The following SH3BGRL2 variants were observed in gnomAD, a reference collection of about 807,000 sequenced individuals.
The protein encoded by SH3BGRL2 is SH3 domain binding glutamate rich protein like 2, also known as SH3 domain-binding glutamic acid-rich-like protein 2.
A neutral mutation model predicts 14.8 loss-of-function variants in SH3BGRL2; 21 were observed. That is an observed-to-expected ratio of 1.42 (90% confidence interval 1.01 to 2.05). The LOEUF is 2.05. SH3BGRL2 is among the 30% of genes most tolerant of loss of function. The pLI is 0.00. For missense variants in SH3BGRL2, 147 were observed against 130.8 expected, an observed-to-expected ratio of 1.12 and a Z score of -0.61; for synonymous variants, 50 against 47.8, an observed-to-expected ratio of 1.05 and a Z score of -0.19.
chr6:79,674,157 A>G (rs1562154473), intron 2 of SH3BGRL2, among the ~76,000 whole-genome samples: 2 of 152,122 alleles, frequency 1.3e-5, no homozygotes, highest in Non-Finnish European at 2.9e-5. Context: ...AATCATTTTA[A>G]TTATTAAATT....
chr6:79,554,218 T>G, the SH3BGRL2 span, among the ~76,000 whole-genome samples: 2 of 152,210 alleles, frequency 1.3e-5, no homozygotes, highest in Non-Finnish European at 2.9e-5. Flanking sequence ...TTTTTCCTGT[T>G]GTGACCACAG....
intron 2 of SH3BGRL2, among the ~76,000 whole-genome samples, chr6:79,676,908 G>A (rs866939790): frequency 1.3e-5 from 2 of 152,090 alleles, no homozygotes; most frequent in African/African-American, 2.4e-5. Flanking sequence ...TCTGGGAGCT[G>A]GCTAGAGGTT....
At chr6:79,698,967 A>G (rs1770387659) in intron 3 of SH3BGRL2, among the ~76,000 whole-genome samples, 1 of 152,146 alleles carries the variant, frequency 6.6e-6, no homozygotes, top group African/African-American at 2.4e-5. Context: ...CAAAGTAGGT[A>G]ACAACCGGTC....
chr6:79,629,484 C>G (rs542246623), upstream of SH3BGRL2, among the ~76,000 whole-genome samples: 11 of 152,102 alleles, frequency 7.2e-5, 1 homozygote, highest in South Asian at 2.3e-3. Context: ...AGCAGAAATC[C>G]CAAGGAGCTG....
chr6:79,597,582 G>A, the SH3BGRL2 span, among the ~76,000 whole-genome samples: 4 of 152,148 alleles, frequency 2.6e-5, no homozygotes, highest in Admixed American at 6.5e-5. Flanking sequence ...GAAGAATGAA[G>A]TTGGACTCAT....
At chr6:79,693,111 T>TAG (rs1770259335) in intron 2 of SH3BGRL2, among the ~76,000 whole-genome samples, 1 of 152,058 alleles carries the variant, frequency 6.6e-6, no homozygotes, top group Non-Finnish European at 1.5e-5. Flanking sequence ...TTTATTCTCT[T>TAG]TGAAGCAATT....
At chr6:79,634,786 T>G (rs79385912) in intron 1 of SH3BGRL2, among the ~76,000 whole-genome samples, 12 of 152,126 alleles carry the variant, frequency 7.9e-5, no homozygotes, top group African/African-American at 2.4e-4. Flanking sequence ...TTACCAGAGA[T>G]AGAAAAATAT....
intron 3 of SH3BGRL2, among the ~76,000 whole-genome samples, chr6:79,698,729 G>A (rs576751187): frequency 2.6e-4 from 39 of 151,734 alleles, no homozygotes; most frequent in African/African-American, 8.2e-4. Flanking sequence ...ATATTAGATG[G>A]TATGGAATCC....
At chr6:79,551,946 C>G in the SH3BGRL2 span, among the ~76,000 whole-genome samples, 2 of 152,050 alleles carry the variant, frequency 1.3e-5, no homozygotes, top group East Asian at 3.9e-4. Flanking sequence ...CAAAAATTAG[C>G]CGGGTGTGGT....
At chr6:79,691,512 C>A (rs949934682) in intron 2 of SH3BGRL2, among the ~76,000 whole-genome samples, 3 of 115,330 alleles carry the variant, frequency 2.6e-5, no homozygotes, top group African/African-American at 3.4e-5. Context: ...CCCCTCCCCA[C>A]ACCCCACAAC....
intron 1 of SH3BGRL2, among the ~76,000 whole-genome samples, chr6:79,656,216 A>C (rs1769415456): frequency 6.6e-6 from 1 of 152,192 alleles, no homozygotes; most frequent in Non-Finnish European, 1.5e-5. Context: ...GAAAATGGAG[A>C]AATATGGATG....
chr6:79,641,819 G>A (rs1769038880), intron 1 of SH3BGRL2, among the ~76,000 whole-genome samples: 1 of 152,056 alleles, frequency 6.6e-6, no homozygotes, highest in South Asian at 2.1e-4. Context: ...ATTATATACA[G>A]TACATACTAC....
chr6:79,684,788 T>C (rs1770059791), intron 2 of SH3BGRL2, among the ~76,000 whole-genome samples: 1 of 152,158 alleles, frequency 6.6e-6, no homozygotes, highest in Non-Finnish European at 1.5e-5. Flanking sequence ...GGTAGCATTT[T>C]CTTAGAGAAG....
the SH3BGRL2 span, among the ~76,000 whole-genome samples, chr6:79,615,377 C>T: frequency 6.6e-6 from 1 of 152,134 alleles, no homozygotes; most frequent in Non-Finnish European, 1.5e-5. Flanking sequence ...CCATTGTCAC[C>T]ACAGTGATTT....
chr6:79,537,676 G>A, the SH3BGRL2 span, among the ~76,000 whole-genome samples: 1 of 152,324 alleles, frequency 6.6e-6, no homozygotes, highest in South Asian at 2.1e-4. Flanking sequence ...ACTGCTGAGC[G>A]TCGTGGGCTC....
the SH3BGRL2 span, among the ~76,000 whole-genome samples, chr6:79,584,275 A>G: frequency 5.3e-5 from 8 of 152,204 alleles, no homozygotes; most frequent in Non-Finnish European, 1.5e-5. Context: ...AGCAGCTGTC[A>G]TATGAATGCA....
At chr6:79,568,603 C>T in the SH3BGRL2 span, among the ~76,000 whole-genome samples, 1 of 152,230 alleles carries the variant, frequency 6.6e-6, no homozygotes, top group Admixed American at 6.5e-5. Context: ...TAACCCATAG[C>T]TCAAGATAAT....
chr6:79,699,417 C>T, intron 3 of SH3BGRL2, 81 bp from the exon 4 acceptor site: 2 of 1,441,544 alleles, frequency 1.4e-6, no homozygotes, highest in East Asian at 4.9e-5. Flanking sequence ...ATTTAAAAAA[C>T]CCCTGCCAAG....
intron 2 of SH3BGRL2, among the ~76,000 whole-genome samples, chr6:79,690,186 C>G (rs1004219348): frequency 9.9e-5 from 15 of 151,886 alleles, no homozygotes; most frequent in African/African-American, 3.1e-4. Flanking sequence ...GAGACGGGGT[C>G]TTGCTGTGTT....
Sources: allele counts gnomAD v4.1 joint callset (sites outside exome capture counted in the v4.1 genomes callset), GRCh38; gene constraint gnomAD v4.1.1; transcripts MANE v1.5; gene names NCBI Gene and HGNC (gene_info 2026-07-23, HGNC 2026-07-21).